OTOA: variants seen among roughly 807,000 people sequenced by gnomAD.
The protein encoded by OTOA is otoancorin.
OTOA carries 70 observed loss-of-function variants against 110.8 expected under a neutral mutation model. That is an observed-to-expected ratio of 0.63 (90% confidence interval 0.52 to 0.77). The LOEUF (loss-of-function observed/expected upper bound fraction) is 0.77. Among genes scored for constraint, OTOA ranks in the 30% least tolerant of loss-of-function variants. The pLI, the probability that OTOA is intolerant of heterozygous loss-of-function variation, is 0.00. For synonymous variants in OTOA, 373 were observed against 431.5 expected, an observed-to-expected ratio of 0.86 and a Z score of 1.68; for missense variants, 917 against 1,075.8, an observed-to-expected ratio of 0.85 and a Z score of 2.06.
intron 9 of OTOA, among the ~76,000 whole-genome samples, chr16:21,695,891 A>ATATTTTT (rs569493650): frequency 1.4e-4 from 6 of 41,896 alleles, no homozygotes; most frequent in East Asian, 6.0e-4. Context: ...ATATATATAT[A>ATATTTTT]TTTTTTTTTT....
chr16:21,675,641 C>G lies in OTOA; in HGVS notation c.-4-2870C>G, dbSNP rs1437227797. 2.0e-5 allele frequency among the ~76,000 whole-genome samples: 3 copies of G among 152,092 alleles called. No individual in the cohort carries two copies. The East Asian group carries it at 5.8e-4, about 29-fold the overall frequency. The stretch of plus-strand genomic sequence containing the variant: ...TTCACTAATTTTTCTTCTGCAGTGT[C>G]TAATATGCTGTTAACTCTATCCCGT... On this transcript the variant is annotated intron_variant, in intron 1 of 28. Coordinates refer to ENST00000646100, the MANE Select transcript of OTOA (RefSeq NM_144672.4).
In OTOA at chr16:21,700,968, G is replaced by A. The variant is rs12051473; in HGVS notation, c.921G>A (p.Ala307=). 2.1e-4 allele frequency: 345 copies of A among 1,614,104 alleles called. 2 individuals are homozygous for A. The East Asian group carries it at 4.3e-3, about 20-fold the overall frequency. Residue 307 remains alanine (A), a synonymous_variant, in exon 11 of 29, where the codon GCG becomes GCA. Transcript: ENST00000646100. ...ACATCACACCTGAGCTGGCCCAGGC[G>A]TTTCTGGAGAGGATCAGCTCCTCCA... The part of the protein sequence containing the change: ...VYDITPELAQ[A]FLERISSSNF...
chr16:21,671,569 A>G (rs1451453895), intron 1 of OTOA, among the ~76,000 whole-genome samples: 1 of 146,682 alleles, frequency 6.8e-6, no homozygotes, highest in Non-Finnish European at 1.5e-5. Context: ...CCTGGGCAAG[A>G]GAGTAAGACT....
intron 8 of OTOA, among the ~76,000 whole-genome samples, chr16:21,688,070 G>A (rs1000868185): frequency 6.6e-6 from 1 of 152,102 alleles, no homozygotes; most frequent in Non-Finnish European, 1.5e-5. Flanking sequence ...AGGTTGATAT[G>A]CACGTTTTGG....
chr16:21,707,667 CTCTT>C (rs1431006253), intron 12 of OTOA, among the ~76,000 whole-genome samples: 92 of 138,062 alleles, frequency 6.7e-4, no homozygotes, highest in African/African-American at 2.4e-3. Flanking sequence ...CTCTTTCTTT[CTCTT>C]TCTGTCTCTC....
At chr16:21,720,798 C>T (rs1898706026) in intron 17 of OTOA, among the ~76,000 whole-genome samples, 1 of 152,064 alleles carries the variant, frequency 6.6e-6, no homozygotes, top group African/African-American at 2.4e-5. Flanking sequence ...GAAGAGTTGC[C>T]CCAGTGAAGG....
intron 15 of OTOA, among the ~76,000 whole-genome samples, chr16:21,718,576 C>T (rs1370107063): frequency 6.6e-6 from 1 of 152,190 alleles, no homozygotes; most frequent in Admixed American, 6.5e-5. Flanking sequence ...AAATGTAGTA[C>T]TTGATTGCGT....
chr16:21,752,162 T>A, intron 25 of OTOA, 85 bp downstream of exon 25: 1 of 202,530 alleles, frequency 4.9e-6, no homozygotes, highest in Non-Finnish European at 9.7e-6. Context: ...CATCCATCCA[T>A]CCATCCAGAT....
intron 7 of OTOA, among the ~76,000 whole-genome samples, chr16:21,686,244 GC>G (rs1218402913): frequency 6.6e-6 from 1 of 151,644 alleles, no homozygotes; most frequent in Non-Finnish European, 1.5e-5. Flanking sequence ...TGATGCGTTT[GC>G]TCCAAGCTTG....
chr16:21,710,228 A>T, intron 13 of OTOA, 125 bp downstream of exon 13: 1 of 1,076,508 alleles, frequency 9.3e-7, no homozygotes, highest in Non-Finnish European at 1.4e-6. Flanking sequence ...TATTTCTCAC[A>T]GTTCTGGAGA....
In OTOA at chr16:21,705,204, A is replaced by C. The variant is rs1241601709; in HGVS notation, c.1016A>C (p.Glu339Ala). 3 of 1,614,164 alleles carry C rather than the reference A, an allele frequency of 1.9e-6. No homozygotes were observed. In the East Asian group the frequency reaches 6.7e-5, roughly 36 times the overall value. The stretch of plus-strand genomic sequence containing the variant: ...CTGGTTTGTTTCTACAATGACCTGG[A>C]ATTGCTGGATGCCACTGTGGCTCAA... The part of the protein sequence containing the change: ...GLLVCFYNDL[E>A]LLDATVAQVL... Residue 339 changes from glutamate to alanine, a missense_variant, in exon 12 of 29, where the codon GAA (glutamate) becomes GCA (alanine). Transcript: ENST00000646100.
Position 21,697,761 on chromosome 16 carries a change from T to C in OTOA, c.740-14T>C. Reference sequence around the variant, plus strand: ...ATGTATGTACTCATTTATTCATTTCTTTATTTTTTGTAGATGACTCTGCTT... The same window carrying C: ...ATGTATGTACTCATTTATTCATTTCCTTATTTTTTGTAGATGACTCTGCTT... On this transcript the variant is annotated splice_polypyrimidine_tract_variant and intron_variant, in intron 9 of 28. Transcript: ENST00000646100. 6.2e-7 allele frequency: 1 copy of C among 1,612,488 alleles called. No individual in the cohort carries two copies. Among genetic ancestry groups the C allele is most frequent in the African/African-American group, 1.3e-5 (1 of 75,024 alleles).
At chr16:21,706,465 G>A (rs1898171458) in intron 12 of OTOA, among the ~76,000 whole-genome samples, 2 of 152,192 alleles carry the variant, frequency 1.3e-5, no homozygotes, top group Non-Finnish European at 1.5e-5. Context: ...GTGGCCTGAG[G>A]TATGGCCTGA....
At position 21,728,325 on chromosome 16, in the gene OTOA, A is replaced by C. The variant is rs1160769375; in HGVS notation, c.2101A>C (p.Ile701Leu). 1 of 1,613,688 alleles carries C rather than the reference A, an allele frequency of 6.2e-7. No individual in the cohort carries two copies. Among genetic ancestry groups the C allele is most frequent in the Non-Finnish European group, 8.5e-7 (1 of 1,179,966 alleles). Residue 701 changes from isoleucine to leucine, a missense_variant, in exon 20 of 29, where the codon ATC becomes CTC. By Grantham distance (5) the Ile-to-Leu change is conservative. Around this residue, in one of 6 missense-constraint regions of OTOA, gnomAD observed 840 missense variants for 910.2 expected, o/e 0.92. Transcript: ENST00000646100. ...HLPAAIIDRG[I>L]SPRAWATALH... ...GCCGGCAGCCATCATCGACAGGGGG[A>C]TCTCCCCCAGGGCTTGGGCGACTGC...
chr16:21,729,825 A>G (rs1899050157), intron 20 of OTOA: 1 of 152,120 alleles, frequency 6.6e-6, no homozygotes, highest in Non-Finnish European at 1.5e-5. Context: ...TTTTGGCTTG[A>G]TAGCTCATTT....
At chr16:21,683,549 A>C (rs906131098) in intron 6 of OTOA, among the ~76,000 whole-genome samples, 3 of 151,768 alleles carry the variant, frequency 2.0e-5, no homozygotes, top group Non-Finnish European at 4.4e-5. Context: ...CAAACAAACA[A>C]ACAAAAAATT....
intron 10 of OTOA, among the ~76,000 whole-genome samples, chr16:21,700,235 A>T (rs1043683909): frequency 1.3e-5 from 2 of 152,166 alleles, no homozygotes; most frequent in South Asian, 4.1e-4. Flanking sequence ...TTCATCTATT[A>T]AAAAAATTCT....
chr16:21,724,065 C>A (rs1029140636), intron 18 of OTOA, among the ~76,000 whole-genome samples: 9 of 152,102 alleles, frequency 5.9e-5, no homozygotes, highest in African/African-American at 2.2e-4. Flanking sequence ...AAACTAGGTG[C>A]TTTCCAAGAA....
intron 13 of OTOA, 60 bp downstream of exon 13, chr16:21,710,163 TG>T (rs1597830022): frequency 7.0e-7 from 1 of 1,430,594 alleles, no homozygotes; most frequent in East Asian, 2.5e-5. Context: ...GTATTAGACC[TG>T]CCAGGCTGCC....
Sources: gnomAD v4.1 joint callset for allele counts (sites outside exome capture counted in the v4.1 genomes callset) on GRCh38, gnomAD v4.1.1 for gene constraint, gnomAD v4.1.1 regional missense constraint, MANE v1.5 for transcripts, NCBI Gene and HGNC (gene_info 2026-07-23, HGNC 2026-07-21) for gene names.